Variants in AUTS2 observed in about 807,000 individuals in gnomAD.
AUTS2 encodes the protein autism susceptibility gene 2 protein.
Under a neutral mutation model 112.4 loss-of-function variants are expected in AUTS2, and 17 were observed. That is an observed-to-expected ratio of 0.15 (90% CI 0.10 to 0.23). The LOEUF is 0.23. Among genes scored for constraint, AUTS2 ranks in the 10% least tolerant of loss-of-function variants. The pLI is 1.00. For missense variants in AUTS2, 1,510 were observed against 1,701.6 expected (o/e 0.89, Z 1.98); for synonymous variants, 751 against 702.7 (o/e 1.07, Z -1.09).
intron 1 of AUTS2, among the ~76,000 whole-genome samples, chr7:69,697,411 C>T (rs1797604564): frequency 6.6e-6 from 1 of 152,136 alleles, no homozygotes; most frequent in Non-Finnish European, 1.5e-5. Context: ...ATGATCTCTG[C>T]CTTGGGGAAC....
At chr7:70,613,824 A>G (rs1043262656) in intron 5 of AUTS2, among the ~76,000 whole-genome samples, 6 of 152,230 alleles carry the variant, frequency 3.9e-5, no homozygotes, top group African/African-American at 1.4e-4. Context: ...CGACATGACT[A>G]GTTAATCACT....
intron 1 of AUTS2, among the ~76,000 whole-genome samples, chr7:69,793,609 A>G (rs950062612): frequency 6.6e-6 from 1 of 152,184 alleles, no homozygotes; most frequent in African/African-American, 2.4e-5. Context: ...GGCAGGGTGT[A>G]GGGCAGAGGC....
At chr7:69,672,308 C>T (rs1438112397) in intron 1 of AUTS2, among the ~76,000 whole-genome samples, 2 of 152,166 alleles carry the variant, frequency 1.3e-5, no homozygotes, top group Non-Finnish European at 2.9e-5. Context: ...ATCCACCCGC[C>T]TCAGCCTCCC....
intron 5 of AUTS2, among the ~76,000 whole-genome samples, chr7:70,668,418 C>G (rs186962126): frequency 1.3e-5 from 2 of 152,324 alleles, no homozygotes; most frequent in East Asian, 3.9e-4. Flanking sequence ...TGAAAGACCC[C>G]CAAATTGCCA....
At chr7:70,495,264 A>G (rs1253843514) in intron 5 of AUTS2, among the ~76,000 whole-genome samples, 2 of 150,292 alleles carry the variant, frequency 1.3e-5, no homozygotes, top group Non-Finnish European at 3.0e-5. Flanking sequence ...AAAAAAGCTC[A>G]AGTTGAAAGT....
At chr7:70,112,721 C>T (rs1024218441) in intron 2 of AUTS2, among the ~76,000 whole-genome samples, 11 of 151,782 alleles carry the variant, frequency 7.2e-5, no homozygotes, top group African/African-American at 2.4e-4. Flanking sequence ...TTTTCCCTCT[C>T]TCTTTTTTTA....
chr7:70,563,565 A>C (rs977561872), intron 5 of AUTS2, among the ~76,000 whole-genome samples: 1 of 152,198 alleles, frequency 6.6e-6, no homozygotes, highest in African/African-American at 2.4e-5. Context: ...AATTGGCCTC[A>C]TGCACCCTTG....
intron 1 of AUTS2, among the ~76,000 whole-genome samples, chr7:69,838,143 C>T (rs1478760045): frequency 6.6e-6 from 1 of 152,058 alleles, no homozygotes; most frequent in South Asian, 2.1e-4. Context: ...ATATGTGCCC[C>T]CATATTCTGA....
intron 4 of AUTS2, among the ~76,000 whole-genome samples, chr7:70,283,549 T>C (rs1788319962): frequency 6.6e-6 from 1 of 152,204 alleles, no homozygotes; most frequent in African/African-American, 2.4e-5. Flanking sequence ...TTGTGGTATG[T>C]GTATATATGT....
intron 2 of AUTS2, among the ~76,000 whole-genome samples, chr7:70,005,964 T>G (rs1410336151): frequency 6.6e-6 from 1 of 152,194 alleles, no homozygotes; most frequent in African/African-American, 2.4e-5. Context: ...ATATATTGTG[T>G]ATAATGTTAC....
chr7:70,478,043 A>G (rs966689464), intron 5 of AUTS2, among the ~76,000 whole-genome samples: 14 of 152,126 alleles, frequency 9.2e-5, no homozygotes, highest in Non-Finnish European at 2.1e-4. Flanking sequence ...AGCAATAGAG[A>G]TGAGTGTGAG....
At chr7:70,482,295 G>C (rs949559523) in intron 5 of AUTS2, among the ~76,000 whole-genome samples, 2 of 152,064 alleles carry the variant, frequency 1.3e-5, no homozygotes, top group African/African-American at 4.8e-5. Context: ...GGGGCACTTC[G>C]TCCTCCTCCT....
At chr7:70,245,144 G>GTGTGTATATATATATATATA (rs1233136341) in intron 4 of AUTS2, among the ~76,000 whole-genome samples, 3 of 108,964 alleles carry the variant, frequency 2.8e-5, no homozygotes, top group African/African-American at 1.2e-4. Flanking sequence ...GTGTGTGTGT[G>GTGTGTATATATATATATATA]TATATATATA....
intron 4 of AUTS2, chr7:70,290,583 G>A (rs897496006): frequency 1.9e-5 from 27 of 1,451,722 alleles, no homozygotes; most frequent in East Asian, 2.9e-5. Context: ...TACTGTTAGC[G>A]TGACCCCAAT....
chr7:70,585,444 G>A (rs1758325592), intron 5 of AUTS2, among the ~76,000 whole-genome samples: 1 of 152,176 alleles, frequency 6.6e-6, no homozygotes, highest in Non-Finnish European at 1.5e-5. Flanking sequence ...AGGAAACTGA[G>A]GTTCTCATTA....
Position 70,759,937 on chromosome 7 carries a change from T to TTA in AUTS2, c.743-2932_743-2931dup, listed in dbSNP as rs377159157. Among the ~76,000 whole-genome samples the TTA allele has an allele frequency of 1.4e-3, 217 of 152,250 alleles. 1 individual carries two copies. Among genetic ancestry groups the TTA allele is most frequent in the African/African-American group, 4.9e-3 (203 of 41,566 alleles). On this transcript the variant is annotated intron_variant, in intron 6 of 18. Transcript: ENST00000342771. ...TTTGGGAGGGAATTTGAATGTATAC[T>TTA]TACCAAGATAGAAAGTATTTATTGA... is the stretch of plus-strand genomic sequence containing the variant.
At chr7:69,696,220 G>C (rs1266937541) in intron 1 of AUTS2, among the ~76,000 whole-genome samples, 1 of 152,160 alleles carries the variant, frequency 6.6e-6, no homozygotes, top group African/African-American at 2.4e-5. Flanking sequence ...ATAGGCTCAA[G>C]AGGACCTCTG....
intron 1 of AUTS2, among the ~76,000 whole-genome samples, chr7:69,871,469 C>T (rs1266476698): frequency 6.6e-6 from 1 of 152,106 alleles, no homozygotes; most frequent in East Asian, 1.9e-4. Context: ...ATGCTTTTTC[C>T]TATACGTACG....
At chr7:70,196,882 T>C (rs1009217348) in intron 4 of AUTS2, among the ~76,000 whole-genome samples, 1 of 152,202 alleles carries the variant, frequency 6.6e-6, no homozygotes, top group Non-Finnish European at 1.5e-5. Flanking sequence ...AGTTCAAGGT[T>C]CAGATAATTG....
Sources: allele counts gnomAD v4.1 joint callset (sites outside exome capture counted in the v4.1 genomes callset), GRCh38; gene constraint gnomAD v4.1.1; transcripts MANE v1.5; gene names NCBI Gene and HGNC (gene_info 2026-07-23, HGNC 2026-07-21).